The following CNTNAP2 variants were observed in gnomAD, a reference collection of about 807,000 sequenced individuals.
CNTNAP2 encodes contactin associated protein 2, also known as contactin-associated protein-like 2.
CNTNAP2 carries 98 observed loss-of-function variants against 155.2 expected under a neutral mutation model. The ratio of observed to expected loss-of-function variants is 0.63; its 90% CI spans 0.54 to 0.75. The LOEUF is 0.75. Ranked by LOEUF, CNTNAP2 falls within the 30% of genes least tolerant of loss-of-function variation. The pLI, the probability that CNTNAP2 is intolerant of heterozygous loss-of-function variation, is 0.00. For synonymous variants in CNTNAP2, 651 were observed against 631.2 expected (o/e 1.03, Z -0.47); for missense variants, 1,727 against 1,688.1 (o/e 1.02, Z -0.40).
intron 20 of CNTNAP2, among the ~76,000 whole-genome samples, chr7:148,260,262 G>A (rs1413868816): frequency 6.6e-6 from 1 of 152,202 alleles, no homozygotes; most frequent in Non-Finnish European, 1.5e-5. Context: ...GACTGGGCTA[G>A]TTCAAGAGAC....
chr7:146,523,516 C>T (rs550544134), intron 1 of CNTNAP2, among the ~76,000 whole-genome samples: 2 of 151,980 alleles, frequency 1.3e-5, no homozygotes, highest in Non-Finnish European at 2.9e-5. Context: ...CCAAAATAAC[C>T]TTTCCAACCT....
intron 1 of CNTNAP2, among the ~76,000 whole-genome samples, chr7:146,266,479 G>T (rs1257008544): frequency 6.6e-6 from 1 of 152,102 alleles, no homozygotes; most frequent in Non-Finnish European, 1.5e-5. Flanking sequence ...CATGGTTTGG[G>T]ATCACAACTT....
chr7:148,366,391 A>C (rs1439975023), intron 21 of CNTNAP2, among the ~76,000 whole-genome samples: 1 of 152,132 alleles, frequency 6.6e-6, no homozygotes, highest in Non-Finnish European at 1.5e-5. Flanking sequence ...TTGAAGGTAG[A>C]AACTCTTTTT....
At chr7:147,104,032 T>A (rs1193090430) in intron 4 of CNTNAP2, among the ~76,000 whole-genome samples, 1 of 152,084 alleles carries the variant, frequency 6.6e-6, no homozygotes, top group Admixed American at 6.6e-5. Context: ...AAAGTATTAG[T>A]GAAACCCTGG....
At chr7:147,848,884 T>C (rs1269775192) in intron 13 of CNTNAP2, among the ~76,000 whole-genome samples, 1 of 152,106 alleles carries the variant, frequency 6.6e-6, no homozygotes, top group African/African-American at 2.4e-5. Context: ...GTTGACAGTT[T>C]GGGAGGAATT....
intron 14 of CNTNAP2, among the ~76,000 whole-genome samples, chr7:147,921,032 A>G (rs999637839): frequency 1.3e-5 from 2 of 151,852 alleles, no homozygotes; most frequent in African/African-American, 4.8e-5. Context: ...GATGGTCTCC[A>G]TCTCCTGACC....
intron 3 of CNTNAP2, among the ~76,000 whole-genome samples, chr7:146,843,887 A>G (rs935559090): frequency 1.3e-5 from 2 of 152,100 alleles, no homozygotes; most frequent in Non-Finnish European, 2.9e-5. Flanking sequence ...AAAACACCTT[A>G]CAAGATGTAA....
In CNTNAP2 at chr7:146,869,931, G is replaced by A. The variant is rs938805865; in HGVS notation, c.402+30027G>A. On this transcript the variant is annotated intron_variant, in intron 3 of 23. Coordinates refer to ENST00000361727, the MANE Select transcript of CNTNAP2 (RefSeq NM_014141.6). ...CAGAAACACCCAGAAACAATACTTC[G>A]CATCCTTCAATGATCAAGTTGACAC... 6.6e-5 allele frequency among the ~76,000 whole-genome samples: 10 copies of A among 152,208 alleles called. No individual in the cohort carries two copies. In the East Asian group the frequency reaches 7.7e-4, roughly 12 times the overall value.
rs529231542 is a variant in CNTNAP2, at chr7:147,621,252, A to T, written c.1898-17854A>T. ...TGCTAAAGGGAGTACTTCAGTCCAC[A>T]AGATAAAGGATGTTAATGAGCAATA... On this transcript the variant is annotated intron_variant, in intron 12 of 23. Transcript: ENST00000361727. Among the ~76,000 whole-genome samples the T allele has an allele frequency of 2.6e-5, 4 of 152,268 alleles. No homozygotes were observed. In the East Asian group the frequency reaches 5.8e-4, roughly 22 times the overall value.
At chr7:146,899,962 G>T (rs1795958970) in intron 3 of CNTNAP2, among the ~76,000 whole-genome samples, 1 of 152,180 alleles carries the variant, frequency 6.6e-6, no homozygotes, top group Non-Finnish European at 1.5e-5. Context: ...AAGGTGGAAA[G>T]TTAGAAGTAA....
chr7:146,138,182 A>G (rs542636634), intron 1 of CNTNAP2, among the ~76,000 whole-genome samples: 9 of 152,108 alleles, frequency 5.9e-5, no homozygotes, highest in Non-Finnish European at 1.2e-4. Context: ...TTATTTTAAC[A>G]TTTTTTGTCT....
chr7:146,525,999 A>T (rs1449372894), intron 1 of CNTNAP2, among the ~76,000 whole-genome samples: 1 of 152,174 alleles, frequency 6.6e-6, no homozygotes, highest in Admixed American at 6.6e-5. Flanking sequence ...AGACAAAGAG[A>T]GCATATACAG....
chr7:146,634,926 T>C (rs1799573412), intron 1 of CNTNAP2, among the ~76,000 whole-genome samples: 1 of 152,228 alleles, frequency 6.6e-6, no homozygotes, highest in Non-Finnish European at 1.5e-5. Flanking sequence ...TGTGTGTTTC[T>C]AATATGCAAG....
At chr7:147,987,462 G>A (rs961317081) in intron 15 of CNTNAP2, among the ~76,000 whole-genome samples, 2 of 152,142 alleles carry the variant, frequency 1.3e-5, no homozygotes, top group African/African-American at 4.8e-5. Context: ...TGGAGGAATC[G>A]TCACATGCCA....
At chr7:147,112,276 T>A (rs1033848363) in intron 5 of CNTNAP2, among the ~76,000 whole-genome samples, 2 of 152,214 alleles carry the variant, frequency 1.3e-5, no homozygotes, top group Non-Finnish European at 2.9e-5. Context: ...TCTTTTGGGC[T>A]GAGATGATGA....
At chr7:146,976,674 G>A (rs991067994) in intron 3 of CNTNAP2, among the ~76,000 whole-genome samples, 1 of 152,134 alleles carries the variant, frequency 6.6e-6, no homozygotes, top group African/African-American at 2.4e-5. Context: ...CTGTCCAGAA[G>A]CTCTTCGAAC....
chr7:147,247,689 TG>T lies in CNTNAP2; in HGVS notation c.1349-52451del, dbSNP rs1168230735. Among the ~76,000 whole-genome samples the T allele has an allele frequency of 2.6e-5, 4 of 152,206 alleles. No individual in the cohort carries two copies. The East Asian group carries it at 7.7e-4, about 29-fold the overall frequency. On this transcript the variant is annotated intron_variant, in intron 8 of 23. Coordinates refer to ENST00000361727, the MANE Select transcript of CNTNAP2 (RefSeq NM_014141.6). ...AAATCTGAGTCCTTTAAAAGTTTTT[TG>T]TTTATCATTTGCAAGAGTATATGGA...
chr7:147,590,494 C>T (rs1300632585), intron 12 of CNTNAP2, among the ~76,000 whole-genome samples: 7 of 152,074 alleles, frequency 4.6e-5, no homozygotes, highest in South Asian at 2.1e-4. Flanking sequence ...AGGTGCCTTC[C>T]GCCATGATTA....
At chr7:146,457,985 C>G (rs961549629) in intron 1 of CNTNAP2, among the ~76,000 whole-genome samples, 3 of 151,948 alleles carry the variant, frequency 2.0e-5, no homozygotes, top group Non-Finnish European at 2.9e-5. Flanking sequence ...TAAAAGGAAC[C>G]AAATCATATC....
Sources: gnomAD v4.1 joint callset for allele counts (sites outside exome capture counted in the v4.1 genomes callset) on GRCh38, gnomAD v4.1.1 for gene constraint, MANE v1.5 for transcripts, NCBI Gene and HGNC (gene_info 2026-07-23, HGNC 2026-07-21) for gene names.